Variants in SLC4A4 observed in about 807,000 individuals in gnomAD.
The protein encoded by SLC4A4 is electrogenic sodium bicarbonate cotransporter 1.
SLC4A4 carries 27 observed loss-of-function variants against 111.5 expected under a neutral mutation model. The ratio of observed to expected loss-of-function variants is 0.24; its 90% confidence interval spans 0.18 to 0.33. The LOEUF is 0.33. Ranked by LOEUF, SLC4A4 falls within the 10% of genes least tolerant of loss-of-function variation. SLC4A4 has a pLI of 1.00. For missense variants in SLC4A4, 909 were observed against 1,315.5 expected, an observed-to-expected ratio of 0.69 and a Z score of 4.78; for synonymous variants, 443 against 463.4, an observed-to-expected ratio of 0.96 and a Z score of 0.57.
intron 5 of SLC4A4, among the ~76,000 whole-genome samples, 154 bp from the exon 6 acceptor site, chr4:71,356,854 G>T (rs977165142): frequency 2.0e-5 from 3 of 152,104 alleles, no homozygotes; most frequent in Non-Finnish European, 4.4e-5. Flanking sequence ...TGTGTACCCT[G>T]TGTCTTTATC....
intron 3 of SLC4A4, among the ~76,000 whole-genome samples, chr4:71,302,204 T>C (rs1043453796): frequency 2.6e-5 from 4 of 152,130 alleles, no homozygotes; most frequent in African/African-American, 4.8e-5. Flanking sequence ...TCAGAAACAA[T>C]CAGGCTATTA....
Position 71,404,469 on chromosome 4 carries a change from C to G in SLC4A4, c.807+6816C>G, listed in dbSNP as rs564401509. ...CAAAGAAATTGTAGCTATTGCATAT[C>G]TTAATAAACTGGCATGTTTTACATT... On this transcript the variant is annotated intron_variant, in intron 7 of 25. Transcript: ENST00000264485. 7.1e-4 allele frequency among the ~76,000 whole-genome samples: 108 copies of G among 152,318 alleles called. 1 individual carries two copies. The highest frequency in any genetic ancestry group is 2.3e-3 in the African/African-American group (97 of 41,576).
chr4:71,182,867 G>C (rs1443640355), upstream of SLC4A4, among the ~76,000 whole-genome samples: 2 of 152,112 alleles, frequency 1.3e-5, no homozygotes, highest in African/African-American at 4.8e-5. Context: ...CTGGGTTTTA[G>C]TGGCTTAGTA....
rs868097770 is a variant in SLC4A4 at position 71,261,048 on chromosome 4, C to G, written c.253+5649C>G. Among the ~76,000 whole-genome samples the G allele has an allele frequency of 2.0e-5, 3 of 152,182 alleles. No individual in the cohort carries two copies. The South Asian group carries it at 6.2e-4, about 31-fold the overall frequency. ...CTTTAAGCTCTTCTGGTCTTTTCTG[C>G]CACAAATTCTCACTAGGCGTTCTTT... is the stretch of plus-strand genomic sequence containing the variant. On this transcript the variant is annotated intron_variant, in intron 3 of 25. Transcript: ENST00000264485.
intron 6 of SLC4A4, among the ~76,000 whole-genome samples, chr4:71,376,781 T>C (rs1732446186): frequency 6.6e-6 from 1 of 151,578 alleles, no homozygotes; most frequent in Admixed American, 6.6e-5. Context: ...GGACTACATA[T>C]GTGCGCCACC....
chr4:71,140,655 T>C (rs1347439248), intron 2 of SLC4A4, among the ~76,000 whole-genome samples: 5 of 152,218 alleles, frequency 3.3e-5, no homozygotes, highest in African/African-American at 9.6e-5. Flanking sequence ...TTACACTGCA[T>C]TAAGTTGCTC....
chr4:71,359,370 C>A (rs920952482), intron 6 of SLC4A4, among the ~76,000 whole-genome samples: 2 of 152,130 alleles, frequency 1.3e-5, no homozygotes, highest in African/African-American at 2.4e-5. Flanking sequence ...ATGATTAGAC[C>A]TTTTTAAACA....
chr4:71,417,463 T>C (rs780874368), intron 7 of SLC4A4, among the ~76,000 whole-genome samples: 29 of 152,164 alleles, frequency 1.9e-4, no homozygotes, highest in Non-Finnish European at 4.0e-4. Context: ...CCTTCAGGCA[T>C]GGAGCAAGTG....
At chr4:71,552,180 T>G (rs985966302) in intron 20 of SLC4A4, among the ~76,000 whole-genome samples, 2 of 151,936 alleles carry the variant, frequency 1.3e-5, no homozygotes, top group Non-Finnish European at 2.9e-5. Flanking sequence ...ATATTTTATG[T>G]GATATACTCT....
intron 6 of SLC4A4, among the ~76,000 whole-genome samples, chr4:71,379,400 C>A (rs1003394613): frequency 6.6e-6 from 1 of 152,122 alleles, no homozygotes; most frequent in South Asian, 2.1e-4. Context: ...CTCTCTATCA[C>A]TTATTCATGC....
At chr4:71,500,985 G>A (rs1481715327) in intron 16 of SLC4A4, among the ~76,000 whole-genome samples, 1 of 152,058 alleles carries the variant, frequency 6.6e-6, no homozygotes, top group Admixed American at 6.6e-5. Context: ...TTTTCTATTT[G>A]TGTAAAACAT....
intron 3 of SLC4A4, among the ~76,000 whole-genome samples, chr4:71,291,552 G>C (rs1043515068): frequency 2.0e-5 from 3 of 151,798 alleles, no homozygotes; most frequent in Admixed American, 6.6e-5. Flanking sequence ...CAATCCTCTC[G>C]TCTCAGCCTC....
At chr4:71,333,708 C>G (rs1354312741) in intron 3 of SLC4A4, among the ~76,000 whole-genome samples, 2 of 152,168 alleles carry the variant, frequency 1.3e-5, no homozygotes, top group African/African-American at 4.8e-5. Context: ...GTACTCTATT[C>G]TGCTGCTGCT....
chr4:71,423,015 G>A (rs901503216), intron 7 of SLC4A4, among the ~76,000 whole-genome samples: 2 of 152,158 alleles, frequency 1.3e-5, no homozygotes, highest in Non-Finnish European at 2.9e-5. Context: ...AGGAAATAAA[G>A]GGTATTCTAT....
chr4:71,134,132 C>G (rs2148962950), intron 2 of SLC4A4, among the ~76,000 whole-genome samples: 1 of 152,292 alleles, frequency 6.6e-6, no homozygotes, highest in East Asian at 1.9e-4. Context: ...TCATTTCAAT[C>G]ATTATATTTT....
At chr4:71,403,741 C>T (rs1018936524) in intron 7 of SLC4A4, among the ~76,000 whole-genome samples, 6 of 152,036 alleles carry the variant, frequency 3.9e-5, no homozygotes, top group East Asian at 3.9e-4. Context: ...ATTCTGAGTG[C>T]GGTGAGACAC....
intron 3 of SLC4A4, among the ~76,000 whole-genome samples, chr4:71,255,633 A>G (rs1721395079): frequency 6.6e-6 from 1 of 152,184 alleles, no homozygotes; most frequent in Non-Finnish European, 1.5e-5. Flanking sequence ...AAGTTTAGGC[A>G]TAGCTGTGTA....
At chr4:71,367,666 G>A (rs1265610963) in intron 6 of SLC4A4, among the ~76,000 whole-genome samples, 2 of 152,108 alleles carry the variant, frequency 1.3e-5, no homozygotes, top group Non-Finnish European at 2.9e-5. Context: ...ATAAAAAGTT[G>A]CAAAGAACTT....
chr4:71,515,396 G>A (rs1015843411), intron 16 of SLC4A4, among the ~76,000 whole-genome samples: 2 of 152,096 alleles, frequency 1.3e-5, no homozygotes, highest in Non-Finnish European at 2.9e-5. Flanking sequence ...CCTAATCTAT[G>A]GTCAGTCCTG....
Sources: allele counts gnomAD v4.1 joint callset (sites outside exome capture counted in the v4.1 genomes callset), GRCh38; gene constraint gnomAD v4.1.1; transcripts MANE v1.5; gene names NCBI Gene and HGNC (gene_info 2026-07-23, HGNC 2026-07-21).